HS3ST3A1: variants seen among roughly 807,000 people sequenced by gnomAD.
The protein encoded by HS3ST3A1 is heparan sulfate-glucosamine 3-sulfotransferase 3A1.
In HS3ST3A1, 19 loss-of-function variants were observed where a neutral mutation model predicts 25.7. The ratio of observed to expected loss-of-function variants is 0.74; its 90% CI spans 0.52 to 1.08. The LOEUF is 1.08. Ranked by LOEUF, HS3ST3A1 falls within the 50% of genes least tolerant of loss-of-function variation. The pLI, the probability that HS3ST3A1 is intolerant of heterozygous loss-of-function variation, is 0.00. For synonymous variants in HS3ST3A1, 226 were observed against 278.6 expected (o/e 0.81, Z 1.88); for missense variants, 459 against 594.3 (o/e 0.77, Z 2.37).
chr17:13,503,842 A>G (rs961057364), intron 1 of HS3ST3A1, among the ~76,000 whole-genome samples: 2 of 152,164 alleles, frequency 1.3e-5, no homozygotes, highest in African/African-American at 4.8e-5. Context: ...TGACCCAGCC[A>G]TTTCATGGCC....
chr17:13,600,026 T>C (rs147439383), intron 1 of HS3ST3A1, among the ~76,000 whole-genome samples: 10 of 152,294 alleles, frequency 6.6e-5, no homozygotes, highest in Admixed American at 1.3e-4. Context: ...CTTGACACTT[T>C]TACTAAGTCT....
At chr17:13,512,101 C>T (rs1029777600) in intron 1 of HS3ST3A1, among the ~76,000 whole-genome samples, 1 of 151,948 alleles carries the variant, frequency 6.6e-6, no homozygotes, top group Non-Finnish European at 1.5e-5. Flanking sequence ...AGATCGAGAC[C>T]ATCCTGGCTA....
At chr17:13,513,138 GT>G (rs567699216) in intron 1 of HS3ST3A1, among the ~76,000 whole-genome samples, 37 of 152,300 alleles carry the variant, frequency 2.4e-4, no homozygotes, top group African/African-American at 8.9e-4. Context: ...CTAAGTCATG[GT>G]GAAGGAAAAC....
chr17:13,543,800 T>A (rs2142347855), intron 1 of HS3ST3A1, among the ~76,000 whole-genome samples: 1 of 152,248 alleles, frequency 6.6e-6, no homozygotes, highest in African/African-American at 2.4e-5. Context: ...GTGGGTAAGA[T>A]CCCATCTCAT....
chr17:13,568,418 T>C (rs911638908), intron 1 of HS3ST3A1, among the ~76,000 whole-genome samples: 3 of 152,212 alleles, frequency 2.0e-5, no homozygotes, highest in South Asian at 4.1e-4. Context: ...CTCTGAGGTA[T>C]GCCTGGACTA....
chr17:13,544,428 G>A (rs556298300), intron 1 of HS3ST3A1, among the ~76,000 whole-genome samples: 1 of 152,336 alleles, frequency 6.6e-6, no homozygotes, highest in Admixed American at 6.5e-5. Context: ...TCCTAACTAA[G>A]GCAAAACTGC....
In HS3ST3A1 at chr17:13,552,037, G is replaced by A. The variant is rs185242205; in HGVS notation, c.599+48494C>T. Reference sequence around the variant, plus strand: ...TTGATTTACACCTGATTTTATTGCTGTGTGACTGGCAATTGCTGTATTTGG... The same window carrying A: ...TTGATTTACACCTGATTTTATTGCTATGTGACTGGCAATTGCTGTATTTGG... On this transcript the variant is annotated intron_variant, in intron 1 of 1. Coordinates refer to ENST00000284110, the MANE Select transcript of HS3ST3A1 (RefSeq NM_006042.3). Among the ~76,000 whole-genome samples the A allele has an allele frequency of 3.4e-4, 52 of 152,194 alleles. No individual in the cohort carries two copies. In the East Asian group the frequency reaches 7.2e-3, roughly 21 times the overall value.
chr17:13,589,330 C>T (rs979295958), intron 1 of HS3ST3A1, among the ~76,000 whole-genome samples: 6 of 152,176 alleles, frequency 3.9e-5, no homozygotes, highest in African/African-American at 1.4e-4. Flanking sequence ...CACCCTTCGC[C>T]AACAGGGCAA....
intron 1 of HS3ST3A1, among the ~76,000 whole-genome samples, chr17:13,579,397 G>A (rs1173697054): frequency 1.3e-5 from 2 of 151,976 alleles, no homozygotes; most frequent in African/African-American, 4.8e-5. Flanking sequence ...ATTACTATGA[G>A]ATACTCTTAA....
chr17:13,508,342 G>A (rs970320558), intron 1 of HS3ST3A1, among the ~76,000 whole-genome samples: 1 of 152,326 alleles, frequency 6.6e-6, no homozygotes, highest in African/African-American at 2.4e-5. Flanking sequence ...ACTCTTGATC[G>A]TTAATTTTGG....
chr17:13,501,600 C>T (rs1905478469), intron 1 of HS3ST3A1, among the ~76,000 whole-genome samples: 1 of 152,122 alleles, frequency 6.6e-6, no homozygotes, highest in South Asian at 2.1e-4. Flanking sequence ...CCACTGCCTG[C>T]TGCATGATCA....
At chr17:13,578,546 G>A (rs979849490) in intron 1 of HS3ST3A1, among the ~76,000 whole-genome samples, 3 of 140,666 alleles carry the variant, frequency 2.1e-5, no homozygotes, top group Admixed American at 1.5e-4. Context: ...CCGGGTGACA[G>A]AGCCAGACTC....
rs973458216 is a variant in HS3ST3A1 at position 13,600,705 on chromosome 17, G to A, written c.425C>T (p.Ala142Val). 1.3e-6 allele frequency: 2 copies of A among 1,566,964 alleles called. No individual in the cohort carries two copies. The highest frequency in any genetic ancestry group is 2.7e-5 in the African/African-American group (2 of 73,042). Residue 142 changes from alanine to valine, a missense_variant, in exon 1 of 2, where the codon GCG becomes GTG. By Grantham distance (64) the Ala-to-Val change is moderately conservative. Coordinates refer to ENST00000284110, the MANE Select transcript of HS3ST3A1 (RefSeq NM_006042.3). ...TVAEAPPGTL[A>V]LLLDEGSKQL... ...CTTGCTGCCTTCGTCCAGGAGCAGC[G>A]CCAGGGTCCCCGGCGGGGCCTCGGC...
chr17:13,566,811 G>A (rs1907686653), intron 1 of HS3ST3A1, among the ~76,000 whole-genome samples: 1 of 152,150 alleles, frequency 6.6e-6, no homozygotes, highest in South Asian at 2.1e-4. Flanking sequence ...AAAAAAAAGT[G>A]TGAAGTTAGC....
chr17:13,532,063 A>G (rs1906621657), intron 1 of HS3ST3A1, among the ~76,000 whole-genome samples: 1 of 152,204 alleles, frequency 6.6e-6, no homozygotes, highest in African/African-American at 2.4e-5. Flanking sequence ...AGCGGCTGGT[A>G]GTTAGAGCTC....
Position 13,597,829 on chromosome 17 carries a change from G to T in HS3ST3A1, c.599+2702C>A, listed in dbSNP as rs116941714. ...CCAGTGAGAGTAATTGACTGAAAAA[G>T]TTCAGCAACAGGTATTTCTAACTGA... On this transcript the variant is annotated intron_variant, in intron 1 of 1. Coordinates refer to ENST00000284110, the MANE Select transcript of HS3ST3A1 (RefSeq NM_006042.3). Among the ~76,000 whole-genome samples the T allele has an allele frequency of 5.2e-3, 790 of 152,278 alleles. 13 individuals are homozygous for T. Among genetic ancestry groups the T allele is most frequent in the South Asian group, 0.029 (138 of 4,822 alleles).
chr17:13,512,305 C>CAAAAAAAAAAAAAAAAAAAA (rs67523378), intron 1 of HS3ST3A1, among the ~76,000 whole-genome samples: 3 of 82,116 alleles, frequency 3.7e-5, no homozygotes, highest in African/African-American at 1.8e-4. Context: ...GACTCCGTCT[C>CAAAAAAAAAAAAAAAAAAAA]AAAAAAAAAA....
chr17:13,535,478 C>G (rs1010607363), intron 1 of HS3ST3A1, among the ~76,000 whole-genome samples: 6 of 152,162 alleles, frequency 3.9e-5, no homozygotes, highest in African/African-American at 1.4e-4. Context: ...TTGTTTCATT[C>G]AACCTCAGCT....
At position 13,518,658 on chromosome 17, in the gene HS3ST3A1, G is replaced by A. The variant is rs9911028; in HGVS notation, c.600-21840C>T. On this transcript the variant is annotated intron_variant, in intron 1 of 1. Transcript: ENST00000284110. ...CATTAGCACTTGTGCTACAAGAAGA[G>A]ACTTGAAAATTCTCCATCACTGTGA... 7.3e-3 allele frequency among the ~76,000 whole-genome samples: 1,117 copies of A among 152,322 alleles called. 15 individuals are homozygous for A. The highest frequency in any genetic ancestry group is 0.025 in the African/African-American group (1,057 of 41,582).
Sources: gnomAD v4.1 joint callset for allele counts (sites outside exome capture counted in the v4.1 genomes callset) on GRCh38, gnomAD v4.1.1 for gene constraint, MANE v1.5 for transcripts, NCBI Gene and HGNC (gene_info 2026-07-23, HGNC 2026-07-21) for gene names.